MAST4: variants seen among roughly 807,000 people sequenced by gnomAD.
MAST4 encodes microtubule-associated serine/threonine-protein kinase 4.
Under a neutral mutation model 162.7 loss-of-function variants are expected in MAST4, and 89 were observed. That is an observed-to-expected ratio of 0.55 (90% CI 0.46 to 0.65). MAST4 has a LOEUF of 0.65. Ranked by LOEUF, MAST4 falls within the 30% of genes least tolerant of loss-of-function variation. The probability of loss-of-function intolerance (pLI) is 0.00; values close to 1 mark genes in which losing one functional copy is unlikely to be tolerated. For synonymous variants in MAST4, 1,479 were observed against 1,361.1 expected (o/e 1.09, Z -1.91); for missense variants, 3,153 against 3,374.0 (o/e 0.93, Z 1.62).
chr5:67,039,961 T>TTATATA (rs34027825), intron 4 of MAST4, among the ~76,000 whole-genome samples: 8 of 147,924 alleles, frequency 5.4e-5, no homozygotes, highest in African/African-American at 2.0e-4. Context: ...TTTTGAGATT[T>TTATATA]TATATATATA....
chr5:66,950,791 A>G (rs149454456), intron 4 of MAST4, among the ~76,000 whole-genome samples: 4 of 152,292 alleles, frequency 2.6e-5, no homozygotes, highest in African/African-American at 9.6e-5. Context: ...TACTTTGGGT[A>G]TATACCCAGA....
At chr5:66,771,419 C>T (rs947203473) in intron 2 of MAST4, among the ~76,000 whole-genome samples, 2 of 152,144 alleles carry the variant, frequency 1.3e-5, no homozygotes, top group Non-Finnish European at 1.5e-5. Context: ...ATCTCCTGAC[C>T]TCGTGATCCT....
chr5:66,710,674 A>C (rs1303851009), intron 1 of MAST4, among the ~76,000 whole-genome samples: 4 of 152,164 alleles, frequency 2.6e-5, no homozygotes, highest in Admixed American at 2.0e-4. Flanking sequence ...TTGGTTTGCC[A>C]GGAATGTAAT....
chr5:66,911,951 G>C (rs145161410), intron 4 of MAST4, among the ~76,000 whole-genome samples: 1 of 152,160 alleles, frequency 6.6e-6, no homozygotes. Context: ...TAACTTTAGC[G>C]TCGAGTGCCT....
intron 4 of MAST4, among the ~76,000 whole-genome samples, chr5:66,919,567 A>G (rs1324697609): frequency 6.7e-6 from 1 of 150,330 alleles, no homozygotes; most frequent in Non-Finnish European, 1.5e-5. Context: ...AGGCTGAGGC[A>G]GGAGAATCGC....
chr5:67,060,968 G>T (rs1324987487), intron 5 of MAST4, among the ~76,000 whole-genome samples: 1 of 152,144 alleles, frequency 6.6e-6, no homozygotes, highest in Non-Finnish European at 1.5e-5. Flanking sequence ...AGGCTATGTT[G>T]CCATGACTCT....
chr5:66,794,204 A>G (rs1301582145), intron 3 of MAST4, among the ~76,000 whole-genome samples: 1 of 152,220 alleles, frequency 6.6e-6, no homozygotes, highest in Non-Finnish European at 1.5e-5. Flanking sequence ...TTAAGCTGTA[A>G]TCATTCAGTT....
intron 3 of MAST4, among the ~76,000 whole-genome samples, chr5:66,864,828 G>GT (rs1760383541): frequency 6.6e-6 from 1 of 152,190 alleles, no homozygotes; most frequent in African/African-American, 2.4e-5. Flanking sequence ...CTGTGAGACA[G>GT]TTTCTGTTGT....
At chr5:66,931,765 T>A (rs1447187934) in intron 4 of MAST4, among the ~76,000 whole-genome samples, 1 of 151,254 alleles carries the variant, frequency 6.6e-6, no homozygotes, top group African/African-American at 2.4e-5. Flanking sequence ...TACACTGTAT[T>A]AAAAAAAAAG....
At chr5:66,837,503 T>C (rs1425626253) in intron 3 of MAST4, among the ~76,000 whole-genome samples, 1 of 152,116 alleles carries the variant, frequency 6.6e-6, no homozygotes, top group African/African-American at 2.4e-5. Context: ...TGAAAGGTCC[T>C]TCAAGGCTCT....
intron 1 of MAST4, among the ~76,000 whole-genome samples, chr5:66,623,834 A>G (rs1744232284): frequency 6.6e-6 from 1 of 152,236 alleles, no homozygotes; most frequent in Middle Eastern, 3.2e-3. Flanking sequence ...ATCTGTTTGC[A>G]GGTGTCATGA....
rs1159234179 is a variant in MAST4 at position 67,166,973 on chromosome 5, T to G, written c.7794T>G (p.Ser2598=). 1.2e-5 allele frequency: 20 copies of G among 1,612,392 alleles called. No individual in the cohort carries two copies. Among genetic ancestry groups the G allele is most frequent in the Non-Finnish European group, 1.7e-5 (20 of 1,179,676 alleles). Residue 2598 remains serine, a synonymous_variant, in exon 29 of 29, where the codon TCT becomes TCG. Transcript: ENST00000403625. The stretch of plus-strand genomic sequence containing the variant: ...ACACTGACCGCCCCATCTCTCTTTC[T>G]AATGAGAAGGACTTTGTGGTACGGC... The part of the protein sequence containing the change: ...APNTDRPISL[S]NEKDFVVRQR...
At chr5:66,619,495 A>G (rs1743936127) in intron 1 of MAST4, among the ~76,000 whole-genome samples, 1 of 152,190 alleles carries the variant, frequency 6.6e-6, no homozygotes, top group African/African-American at 2.4e-5. Flanking sequence ...AGAGAATGAT[A>G]CATTCTCCTC....
chr5:67,155,744 A>G (rs1183837648), intron 26 of MAST4, among the ~76,000 whole-genome samples: 1 of 152,114 alleles, frequency 6.6e-6, no homozygotes, highest in Non-Finnish European at 1.5e-5. Context: ...CTGATGTGCA[A>G]AATACTGCAA....
At chr5:66,771,266 G>A (rs1026456497) in intron 2 of MAST4, among the ~76,000 whole-genome samples, 1 of 151,436 alleles carries the variant, frequency 6.6e-6, no homozygotes, top group African/African-American at 2.4e-5. Flanking sequence ...CTCACTGCAC[G>A]CTCCACCTCC....
At chr5:66,750,746 C>A (rs889002837) in intron 1 of MAST4, among the ~76,000 whole-genome samples, 139 of 152,000 alleles carry the variant, frequency 9.1e-4, no homozygotes, top group African/African-American at 3.3e-3. Flanking sequence ...CCCAGGCTTG[C>A]TTAGGTAAAC....
chr5:66,696,416 C>T (rs889535289), intron 1 of MAST4, among the ~76,000 whole-genome samples: 2 of 152,114 alleles, frequency 1.3e-5, no homozygotes, highest in Non-Finnish European at 2.9e-5. Context: ...GCACCTCCTA[C>T]GGGTTTTAGT....
intron 3 of MAST4, among the ~76,000 whole-genome samples, chr5:66,845,923 C>A (rs1580629937): frequency 6.6e-6 from 1 of 152,096 alleles, no homozygotes; most frequent in South Asian, 2.1e-4. Flanking sequence ...AAATAGTATC[C>A]TATGAAAGAA....
At chr5:67,151,767 C>CTTTTT (rs1163541260) in intron 24 of MAST4, among the ~76,000 whole-genome samples, 2 of 115,670 alleles carry the variant, frequency 1.7e-5, no homozygotes, top group African/African-American at 3.3e-5. Context: ...TTCTTTTTTT[C>CTTTTT]TTTTTTTTTT....
Sources: allele counts gnomAD v4.1 joint callset (sites outside exome capture counted in the v4.1 genomes callset), GRCh38; gene constraint gnomAD v4.1.1; transcripts MANE v1.5; gene names NCBI Gene and HGNC (gene_info 2026-07-23, HGNC 2026-07-21).